Variants in GHR observed in about 807,000 individuals in gnomAD.
The protein encoded by GHR is GH receptor.
GHR carries 35 observed loss-of-function variants against 67.1 expected under a neutral mutation model. That is an observed-to-expected ratio of 0.52 (90% CI 0.40 to 0.69). The LOEUF is 0.69. Among genes scored for constraint, GHR ranks in the 30% least tolerant of loss-of-function variants. The probability of loss-of-function intolerance (pLI) is 0.00; values close to 1 mark genes in which losing one functional copy is unlikely to be tolerated. For synonymous variants in GHR, 272 were observed against 269.1 expected, an observed-to-expected ratio of 1.01 and a Z score of -0.10; for missense variants, 792 against 764.6, an observed-to-expected ratio of 1.04 and a Z score of -0.42.
chr5:42,663,321 T>A (rs1039914765), intron 3 of GHR, among the ~76,000 whole-genome samples: 69 of 152,316 alleles, frequency 4.5e-4, no homozygotes, highest in African/African-American at 1.6e-3. Flanking sequence ...ATATCCTTGA[T>A]GAACATTGAT....
chr5:42,682,825 C>T (rs1286193853), intron 3 of GHR, among the ~76,000 whole-genome samples: 3 of 152,198 alleles, frequency 2.0e-5, no homozygotes, highest in Admixed American at 6.5e-5. Context: ...ATACCTCTCA[C>T]ACTTTTTCCA....
intron 1 of GHR, among the ~76,000 whole-genome samples, chr5:42,557,402 T>C (rs1267662842): frequency 6.6e-6 from 1 of 152,160 alleles, no homozygotes; most frequent in Non-Finnish European, 1.5e-5. Flanking sequence ...GGGTCCCTAC[T>C]CTCAATATAC....
intron 1 of GHR, among the ~76,000 whole-genome samples, chr5:42,560,798 C>G (rs921219011): frequency 3.9e-5 from 6 of 152,224 alleles, no homozygotes; most frequent in Non-Finnish European, 8.8e-5. Flanking sequence ...AGCACTATCT[C>G]TCATCCACAC....
At chr5:42,634,074 A>C (rs1416232179) in intron 3 of GHR, among the ~76,000 whole-genome samples, 1 of 151,918 alleles carries the variant, frequency 6.6e-6, no homozygotes, top group African/African-American at 2.4e-5. Context: ...TTTAAGACCC[A>C]GTTCTACTGC....
chr5:42,680,975 G>T (rs575376302), intron 3 of GHR, among the ~76,000 whole-genome samples: 2 of 152,084 alleles, frequency 1.3e-5, no homozygotes, highest in Non-Finnish European at 2.9e-5. Flanking sequence ...ATGGATTAAA[G>T]ACTTAAATGT....
intron 1 of GHR, among the ~76,000 whole-genome samples, chr5:42,522,778 G>A (rs951066536): frequency 6.6e-6 from 1 of 152,112 alleles, no homozygotes; most frequent in Non-Finnish European, 1.5e-5. Context: ...TTATTTTTCT[G>A]GTTTTAAGAA....
At chr5:42,490,388 A>C (rs947549553) in intron 1 of GHR, among the ~76,000 whole-genome samples, 1 of 152,244 alleles carries the variant, frequency 6.6e-6, no homozygotes, top group African/African-American at 2.4e-5. Flanking sequence ...CATGCTGTAC[A>C]ATCGAATCCA....
At chr5:42,505,330 G>A (rs1746723903) in intron 1 of GHR, among the ~76,000 whole-genome samples, 1 of 151,364 alleles carries the variant, frequency 6.6e-6, no homozygotes, top group African/African-American at 2.4e-5. Context: ...TGCGCATTTT[G>A]CTGCTTAAGT....
chr5:42,496,472 C>G (rs1346790254), intron 1 of GHR, among the ~76,000 whole-genome samples: 1 of 151,950 alleles, frequency 6.6e-6, no homozygotes, highest in Non-Finnish European at 1.5e-5. Flanking sequence ...GATGAAGATC[C>G]ATAGAGAGAT....
At position 42,719,325 on chromosome 5, in the gene GHR, C is replaced by G; in HGVS notation, c.1818C>G (p.Gly606=). The G allele has an allele frequency of 3.1e-6, 5 of 1,614,098 alleles. No homozygotes were observed. The highest frequency in any genetic ancestry group is 4.2e-6 in the Non-Finnish European group (5 of 1,179,926). The change falls in exon 10 of 10, where the codon GGC becomes GGG. Residue 606 remains glycine, a synonymous_variant. Coordinates refer to ENST00000230882, the MANE Select transcript of GHR (RefSeq NM_000163.5). Reference sequence around the variant, plus strand: ...TTCATATAGTACAGTCCCCACAGGGCCTCATACTCAATGCGACTGCCTTGC... The same window carrying G: ...TTCATATAGTACAGTCCCCACAGGGGCTCATACTCAATGCGACTGCCTTGC... ...TSIHIVQSPQ[G]LILNATALPL...
intron 1 of GHR, among the ~76,000 whole-genome samples, chr5:42,537,771 A>G (rs1255193054): frequency 6.6e-6 from 1 of 152,082 alleles, no homozygotes; most frequent in Non-Finnish European, 1.5e-5. Context: ...AGTCCCCACT[A>G]TTATTGTGTT....
Position 42,719,184 on chromosome 5 carries a change from C to CTTAAACCAAGAG in GHR, c.1678_1689dup (p.Leu560_Glu563dup), listed in dbSNP as rs769854779. 1 of 1,614,148 alleles carries CTTAAACCAAGAG rather than the reference C, an allele frequency of 6.2e-7. No individual in the cohort carries two copies. The highest frequency in any genetic ancestry group is 8.5e-7 in the Non-Finnish European group (1 of 1,180,024). ...AGGTTGAATCACACATACAGCCAAG[C>CTTAAACCAAGAG]TTAAACCAAGAGGACATTTACATCA... On this transcript the variant is annotated inframe_insertion, in exon 10 of 10. Transcript: ENST00000230882.
At chr5:42,536,739 G>A (rs1430925628) in intron 1 of GHR, among the ~76,000 whole-genome samples, 2 of 152,090 alleles carry the variant, frequency 1.3e-5, no homozygotes, top group African/African-American at 2.4e-5. Context: ...AAAAGGATTG[G>A]TATCAATTCT....
Position 42,713,483 on chromosome 5 carries a change from T to A in GHR, c.839T>A (p.Val280Glu). Residue 280 changes from valine to glutamate, a missense_variant, in exon 8 of 10, where the codon GTG becomes GAG. Val to Glu is a moderately radical substitution (Grantham distance 121). Coordinates refer to ENST00000230882, the MANE Select transcript of GHR (RefSeq NM_000163.5). ...ATCTTTGGAATATTTGGGCTAACAG[T>A]GATGCTATTTGTATTCTTATTTTCT... ...IIIFGIFGLT[V>E]MLFVFLFSKQ... 6.7e-7 allele frequency: 1 copy of A among 1,496,274 alleles called. No individual in the cohort carries two copies. Among genetic ancestry groups the A allele is most frequent in the South Asian group, 1.1e-5 (1 of 88,734 alleles). The allele number at this position is 1,496,274 out of a possible 1,614,324, so 92.7% of individuals were successfully genotyped here.
intron 3 of GHR, among the ~76,000 whole-genome samples, chr5:42,639,090 A>G (rs1417797241): frequency 1.3e-5 from 2 of 152,182 alleles, no homozygotes; most frequent in Non-Finnish European, 2.9e-5. Flanking sequence ...TGAAGACTGA[A>G]CACCTGTAAA....
intron 3 of GHR, among the ~76,000 whole-genome samples, chr5:42,665,550 A>G (rs1755915745): frequency 6.6e-6 from 1 of 151,922 alleles, no homozygotes; most frequent in Admixed American, 6.6e-5. Context: ...GAACAATGAG[A>G]ACACATGGAC....
chr5:42,623,843 C>G (rs7727694), intron 2 of GHR, among the ~76,000 whole-genome samples: 1 of 152,130 alleles, frequency 6.6e-6, no homozygotes, highest in East Asian at 1.9e-4. Context: ...GACCACAGTT[C>G]GTAATGGTTT....
intron 1 of GHR, among the ~76,000 whole-genome samples, chr5:42,475,611 AC>A (rs769334672): frequency 2.0e-5 from 3 of 147,746 alleles, no homozygotes; most frequent in African/African-American, 5.0e-5. Context: ...CTTAAAAAGG[AC>A]CCCCCCACCA....
chr5:42,436,230 T>G (rs1743316876), intron 1 of GHR, among the ~76,000 whole-genome samples: 1 of 152,214 alleles, frequency 6.6e-6, no homozygotes, highest in East Asian at 1.9e-4. Context: ...TGGCCAGGGA[T>G]TCACAGCTAG....
Sources: gnomAD v4.1 joint callset for allele counts (sites outside exome capture counted in the v4.1 genomes callset) on GRCh38, gnomAD v4.1.1 for gene constraint, MANE v1.5 for transcripts, NCBI Gene and HGNC (gene_info 2026-07-23, HGNC 2026-07-21) for gene names.